Variants in KCNH7 observed in about 807,000 individuals in gnomAD.
KCNH7 encodes voltage-gated inwardly rectifying potassium channel KCNH7.
In KCNH7, 49 loss-of-function variants were observed where a neutral mutation model predicts 120.8. That is an observed-to-expected ratio of 0.41 (90% CI 0.32 to 0.51). KCNH7 has a LOEUF of 0.51. KCNH7 is among the 20% of genes least tolerant of loss of function. KCNH7 has a pLI of 0.38. For synonymous variants in KCNH7, 547 were observed against 516.1 expected (o/e 1.06, Z -0.81); for missense variants, 1,097 against 1,446.6 (o/e 0.76, Z 3.92).
At chr2:162,386,491 T>C (rs1344622031) in intron 12 of KCNH7, among the ~76,000 whole-genome samples, 2 of 152,006 alleles carry the variant, frequency 1.3e-5, no homozygotes, top group East Asian at 1.9e-4. Context: ...ATTATCCTCA[T>C]ACCTGCTTAG....
chr2:162,620,772 C>A (rs1307063317), intron 2 of KCNH7, among the ~76,000 whole-genome samples: 1 of 152,096 alleles, frequency 6.6e-6, no homozygotes, highest in South Asian at 2.1e-4. Context: ...ATTTTTCTTG[C>A]ATCTTTTTTT....
chr2:162,546,678 G>C (rs543926403), intron 2 of KCNH7, among the ~76,000 whole-genome samples: 2 of 152,254 alleles, frequency 1.3e-5, no homozygotes, highest in Admixed American at 1.3e-4. Context: ...TATGTTTATA[G>C]CTTTGGAGCA....
chr2:162,700,300 A>T (rs1460106821), intron 2 of KCNH7, among the ~76,000 whole-genome samples: 1 of 152,188 alleles, frequency 6.6e-6, no homozygotes, highest in Non-Finnish European at 1.5e-5. Flanking sequence ...AGCACTTTTC[A>T]TCCATTTATG....
chr2:162,411,147 G>T (rs1161878474), intron 9 of KCNH7, among the ~76,000 whole-genome samples: 3 of 152,070 alleles, frequency 2.0e-5, no homozygotes, highest in African/African-American at 7.2e-5. Flanking sequence ...AAGGACACAT[G>T]CACTTGTATG....
At chr2:162,734,116 T>C (rs1687820817) in intron 2 of KCNH7, among the ~76,000 whole-genome samples, 1 of 152,070 alleles carries the variant, frequency 6.6e-6, no homozygotes, top group Non-Finnish European at 1.5e-5. Flanking sequence ...CATTATTAAA[T>C]TGTGGATTCT....
intron 2 of KCNH7, among the ~76,000 whole-genome samples, chr2:162,639,297 G>T (rs1684068633): frequency 6.6e-6 from 1 of 152,090 alleles, no homozygotes; most frequent in Non-Finnish European, 1.5e-5. Context: ...CCTCACAGTT[G>T]TGTGAGATAG....
At chr2:162,522,174 C>T (rs576272069) in intron 3 of KCNH7, among the ~76,000 whole-genome samples, 1 of 151,948 alleles carries the variant, frequency 6.6e-6, no homozygotes, top group Admixed American at 6.6e-5. Context: ...TGAACTGCAT[C>T]GAAGTCATTT....
At chr2:162,419,344 A>T (rs956812567) in intron 9 of KCNH7, among the ~76,000 whole-genome samples, 5 of 149,876 alleles carry the variant, frequency 3.3e-5, no homozygotes, top group Non-Finnish European at 5.9e-5. Flanking sequence ...CTGTTTCTGG[A>T]TTACCTGAGT....
chr2:162,514,270 T>G (rs1691209054), intron 4 of KCNH7, among the ~76,000 whole-genome samples: 1 of 151,800 alleles, frequency 6.6e-6, no homozygotes, highest in Non-Finnish European at 1.5e-5. Flanking sequence ...TTGAGAGAAT[T>G]ACAAGAAACA....
intron 9 of KCNH7, among the ~76,000 whole-genome samples, chr2:162,400,650 G>T (rs1212030736): frequency 6.6e-6 from 1 of 151,866 alleles, no homozygotes; most frequent in East Asian, 1.9e-4. Context: ...TGAATTAACT[G>T]CAGGCATTCA....
chr2:162,513,934 C>T (rs1691197661), intron 4 of KCNH7, among the ~76,000 whole-genome samples: 1 of 151,682 alleles, frequency 6.6e-6, no homozygotes, highest in Non-Finnish European at 1.5e-5. Context: ...TTCAGATTTA[C>T]TTTGAGATCA....
chr2:162,450,327 G>C (rs1450930560), intron 6 of KCNH7, among the ~76,000 whole-genome samples: 1 of 152,024 alleles, frequency 6.6e-6, no homozygotes, highest in African/African-American at 2.4e-5. Context: ...ACTGCAATTT[G>C]GTATGTATAA....
At chr2:162,775,991 G>A (rs2105481751) in intron 2 of KCNH7, among the ~76,000 whole-genome samples, 1 of 152,282 alleles carries the variant, frequency 6.6e-6, no homozygotes, top group African/African-American at 2.4e-5. Flanking sequence ...ATTACAGAGT[G>A]AATACATGGA....
chr2:162,742,681 C>T (rs1688177944), intron 2 of KCNH7, among the ~76,000 whole-genome samples: 1 of 152,190 alleles, frequency 6.6e-6, no homozygotes, highest in Non-Finnish European at 1.5e-5. Flanking sequence ...ATCCTTTTCA[C>T]TCTGCATTAC....
chr2:162,559,574 T>C (rs949720341), intron 2 of KCNH7, among the ~76,000 whole-genome samples: 10 of 152,212 alleles, frequency 6.6e-5, no homozygotes, highest in African/African-American at 2.4e-4. Context: ...AAGACACCCA[T>C]GATCATTTTA....
At chr2:162,570,230 T>C (rs1397488307) in intron 2 of KCNH7, among the ~76,000 whole-genome samples, 8 of 150,078 alleles carry the variant, frequency 5.3e-5, no homozygotes, top group Non-Finnish European at 4.4e-5. Context: ...TGGGTGCATA[T>C]ATATTTAGGA....
In KCNH7 at chr2:162,791,100, A is replaced by C. The variant is rs148148817; in HGVS notation, c.307+45437T>G. Among the ~76,000 whole-genome samples the C allele has an allele frequency of 6.0e-3, 915 of 152,154 alleles. 12 individuals are homozygous for C. The highest frequency in any genetic ancestry group is 0.021 in the African/African-American group (874 of 41,550). On this transcript the variant is annotated intron_variant, in intron 2 of 15. Coordinates refer to ENST00000332142, the MANE Select transcript of KCNH7 (RefSeq NM_033272.4). The stretch of plus-strand genomic sequence containing the variant: ...AGACTATACCAACAAATCTGTTAAA[A>C]CCTAATTTAGTGAAGTTTCAGAATA...
intron 2 of KCNH7, among the ~76,000 whole-genome samples, chr2:162,753,819 T>C (rs1037451903): frequency 6.6e-6 from 1 of 152,132 alleles, no homozygotes; most frequent in Non-Finnish European, 1.5e-5. Context: ...TAATTTCTCT[T>C]TTTGCTTTCT....
chr2:162,457,320 T>C (rs1205607234), intron 6 of KCNH7, among the ~76,000 whole-genome samples: 1 of 152,080 alleles, frequency 6.6e-6, no homozygotes, highest in Non-Finnish European at 1.5e-5. Context: ...AGGATTTTCT[T>C]TTAAGAGAGA....
Sources: allele counts gnomAD v4.1 joint callset (sites outside exome capture counted in the v4.1 genomes callset), GRCh38; gene constraint gnomAD v4.1.1; transcripts MANE v1.5; gene names NCBI Gene and HGNC (gene_info 2026-07-23, HGNC 2026-07-21).